Variants in KLF12 observed in about 807,000 individuals in gnomAD.
KLF12 encodes the protein Krueppel-like factor 12.
Under a neutral mutation model 37.8 loss-of-function variants are expected in KLF12, and 9 were observed. The ratio of observed to expected loss-of-function variants is 0.24; its 90% CI spans 0.14 to 0.42. The LOEUF is 0.42. KLF12 is among the 10% of genes least tolerant of loss of function. The pLI is 1.00. For missense variants in KLF12, 411 were observed against 516.0 expected, an observed-to-expected ratio of 0.80 and a Z score of 1.97; for synonymous variants, 208 against 202.1, an observed-to-expected ratio of 1.03 and a Z score of -0.25.
At chr13:73,766,175 G>C (rs898536121) in intron 5 of KLF12, among the ~76,000 whole-genome samples, 1 of 152,178 alleles carries the variant, frequency 6.6e-6, no homozygotes, top group Non-Finnish European at 1.5e-5. Context: ...TGCTCGGCAT[G>C]GGGGAGGGGG....
chr13:73,993,124 T>C (rs528796315), intron 2 of KLF12, among the ~76,000 whole-genome samples: 5 of 152,112 alleles, frequency 3.3e-5, no homozygotes, highest in Non-Finnish European at 5.9e-5. Context: ...TCCCAGCTAC[T>C]TGGGAAGCTG....
chr13:74,207,900 A>G, the KLF12 span, among the ~76,000 whole-genome samples: 8 of 152,158 alleles, frequency 5.3e-5, no homozygotes, highest in Non-Finnish European at 1.2e-4. Flanking sequence ...AATTCCTGCT[A>G]TGCTACTCTG....
intron 6 of KLF12, among the ~76,000 whole-genome samples, chr13:73,763,912 C>T (rs1175383209): frequency 6.6e-6 from 1 of 152,040 alleles, no homozygotes; most frequent in African/African-American, 2.4e-5. Context: ...AAAAGAAAAG[C>T]ACAATATTTA....
chr13:73,890,690 C>T (rs1160689075), intron 3 of KLF12, among the ~76,000 whole-genome samples: 34 of 151,710 alleles, frequency 2.2e-4, no homozygotes, highest in Admixed American at 2.1e-3. Context: ...GTAACATAAT[C>T]AAACCTATCT....
chr13:73,988,946 A>G (rs765819852), intron 2 of KLF12, among the ~76,000 whole-genome samples: 35 of 152,324 alleles, frequency 2.3e-4, no homozygotes, highest in Non-Finnish European at 4.6e-4. Flanking sequence ...TGTTATTGCC[A>G]TATCACAGAC....
chr13:74,238,972 C>T, the KLF12 span, among the ~76,000 whole-genome samples: 1 of 149,542 alleles, frequency 6.7e-6, no homozygotes, highest in African/African-American at 2.5e-5. Context: ...TTATTTCTTG[C>T]CTTCTGCTAG....
intron 2 of KLF12, among the ~76,000 whole-genome samples, chr13:73,956,903 C>A (rs1890851992): frequency 6.9e-6 from 1 of 144,806 alleles, no homozygotes; most frequent in African/African-American, 2.6e-5. Flanking sequence ...GTCTGGGCAA[C>A]AGAGTAAGGC....
intron 5 of KLF12, among the ~76,000 whole-genome samples, chr13:73,791,455 T>C (rs541439867): frequency 3.9e-5 from 6 of 152,266 alleles, no homozygotes; most frequent in African/African-American, 1.4e-4. Flanking sequence ...GGTTAAAAAA[T>C]ATATATTGTC....
rs140954337 is a variant in KLF12 at position 73,810,024 on chromosome 13, T to C, written c.806+3128A>G. Among the ~76,000 whole-genome samples the C allele has an allele frequency of 6.6e-3, 1,004 of 152,280 alleles. 6 individuals are homozygous for C. The highest frequency in any genetic ancestry group is 0.013 in the Admixed American group (203 of 15,284). On this transcript the variant is annotated intron_variant, in intron 5 of 7. Coordinates refer to ENST00000377669, the MANE Select transcript of KLF12 (RefSeq NM_007249.5). ...ACTTTGGGAGGCCAAGGCAGGCGGA[T>C]CACTTAAGGTGAGGAGTTCGAGACC...
the KLF12 span, among the ~76,000 whole-genome samples, chr13:74,209,522 T>TCACACACACACACA: frequency 1.9e-4 from 28 of 145,998 alleles, no homozygotes; most frequent in African/African-American, 6.3e-4. Flanking sequence ...AACATCTTAG[T>TCACACACACACACA]CACACACACA....
At chr13:74,131,924 A>G (rs576127835) in intron 1 of KLF12, among the ~76,000 whole-genome samples, 1 of 152,256 alleles carries the variant, frequency 6.6e-6, no homozygotes, top group Admixed American at 6.5e-5. Flanking sequence ...TAGTATCAAG[A>G]CCCGTCTGCA....
chr13:74,285,682 C>G, the KLF12 span, among the ~76,000 whole-genome samples: 7 of 152,268 alleles, frequency 4.6e-5, no homozygotes, highest in East Asian at 1.4e-3. Context: ...GGTTTCTAGT[C>G]CTGGTTCTGT....
intron 2 of KLF12, among the ~76,000 whole-genome samples, chr13:73,989,636 C>T (rs1891913369): frequency 6.6e-6 from 1 of 152,238 alleles, no homozygotes; most frequent in Middle Eastern, 3.4e-3. Flanking sequence ...ATAACAAAAT[C>T]AAGTCAAAGA....
intron 6 of KLF12, among the ~76,000 whole-genome samples, chr13:73,755,820 T>C (rs560254030): frequency 6.6e-6 from 1 of 152,162 alleles, no homozygotes; most frequent in South Asian, 2.1e-4. Flanking sequence ...CCTCATAGCT[T>C]AGCTGCCACT....
At chr13:73,900,814 G>A (rs1227628143) in intron 3 of KLF12, among the ~76,000 whole-genome samples, 2 of 151,994 alleles carry the variant, frequency 1.3e-5, no homozygotes. Context: ...TATAAATGGA[G>A]GAAAACAATA....
At chr13:74,248,663 G>C in the KLF12 span, among the ~76,000 whole-genome samples, 8 of 152,154 alleles carry the variant, frequency 5.3e-5, no homozygotes, top group East Asian at 1.3e-3. Context: ...CCATCATTAA[G>C]GGCTAACCTG....
rs935764081 is a variant in KLF12 at position 73,764,950 on chromosome 13, T to G, written c.857A>C (p.Gln286Pro). The G allele has an allele frequency of 6.4e-7, 1 of 1,570,678 alleles. No homozygotes were observed. Among genetic ancestry groups the G allele is most frequent in the Non-Finnish European group, 8.8e-7 (1 of 1,140,852 alleles). The change falls in exon 6 of 8, where the codon CAA (glutamine) becomes CCA (proline). Residue 286 changes from glutamine to proline, a missense_variant. Gln to Pro is a moderately conservative substitution (Grantham distance 76). Around this residue, in one of 2 missense-constraint regions of KLF12, gnomAD observed 351 missense variants for 397.8 expected, o/e 0.88. Transcript: ENST00000377669. ...ACTGTATACTCACCAAGGAAACTTT[T>G]GATTATTCATTCGATTGCCCCGGAC...
chr13:74,250,175 G>C, the KLF12 span, among the ~76,000 whole-genome samples: 1 of 152,160 alleles, frequency 6.6e-6, no homozygotes, highest in African/African-American at 2.4e-5. Context: ...CTTTGAGAGG[G>C]AAGATTGAGG....
chr13:73,952,767 A>T (rs747828555), intron 2 of KLF12, among the ~76,000 whole-genome samples: 14 of 152,242 alleles, frequency 9.2e-5, no homozygotes, highest in Non-Finnish European at 1.8e-4. Context: ...CTTATTAAGC[A>T]AAAGCTAAGT....
Sources: allele counts gnomAD v4.1 joint callset (sites outside exome capture counted in the v4.1 genomes callset), GRCh38; gene constraint gnomAD v4.1.1; regional missense constraint gnomAD v4.1.1; transcripts MANE v1.5; gene names NCBI Gene and HGNC (gene_info 2026-07-23, HGNC 2026-07-21).